OR7G3: variants seen among roughly 807,000 people sequenced by gnomAD.
The protein encoded by OR7G3 is olfactory receptor family 7 subfamily G member 3.
For synonymous variants in OR7G3, 143 were observed against 157.6 expected (o/e 0.91, Z 0.69); for missense variants, 352 against 372.1 (o/e 0.95, Z 0.44).
In OR7G3 at chr19:9,126,173, G is replaced by C; in HGVS notation, c.778C>G (p.Leu260Val). 6.2e-7 allele frequency: 1 copy of C among 1,614,114 alleles called. No individual in the cohort carries two copies. Among genetic ancestry groups the C allele is most frequent in the Non-Finnish European group, 8.5e-7 (1 of 1,180,028 alleles). Residue 260 changes from leucine (L) to valine (V), a missense_variant, in exon 1 of 1, where the codon CTT becomes GTT. Transcript: ENST00000305444. Reference protein sequence around the residue: ...LFYGTGFGVYLSSGATHSSRK... With the variant: ...LFYGTGFGVYVSSGATHSSRK... ...GAGGAGTGGGTAGCCCCAGAACTAA[G>C]GTACACCCCAAACCCTGTTCCATAA...
Position 9,126,781 on chromosome 19 carries a change from G to T in OR7G3, c.170C>A (p.Thr57Asn), listed in dbSNP as rs118114660. ...LAVNSDSHLH[T>N]PMYFLLSILS... ...GATAGAGAGGAGGAAGTACATGGGG[G>T]TGTGGAGGTGGGAGTCAGAGTTGAC... The change falls in exon 1 of 1, where the codon ACC becomes AAC. Residue 57 changes from threonine to asparagine, a missense_variant. Thr to Asn is a moderately conservative substitution (Grantham distance 65). Transcript: ENST00000305444. The T allele has an allele frequency of 2.5e-3, 4,052 of 1,613,892 alleles. 69 individuals carry two copies. In the East Asian group the frequency reaches 0.042, roughly 17 times the overall value.
rs528677212 is a variant in OR7G3, at chr19:9,126,028, A to T, written c.923T>A (p.Ile308Lys). Reference protein sequence around the residue: ...LKALRKLISRIPSFH With the variant: ...LKALRKLISRKPSFH ...GCTGAGACATCAATGGAAAGATGGT[A>T]TCCTAGATATTAGTTTCCTCAAAGC... The change falls in exon 1 of 1, where the codon ATA becomes AAA. Residue 308 changes from isoleucine (I) to lysine (K), a missense_variant. Physicochemically the swap from Ile to Lys is moderately radical, Grantham distance 102 (BLOSUM62 -3). Coordinates refer to ENST00000305444, the MANE Select transcript of OR7G3 (RefSeq NM_001001958.1). The T allele has an allele frequency of 1.1e-5, 17 of 1,602,546 alleles. No homozygotes were observed. The Admixed American group carries it at 2.2e-4, about 21-fold the overall frequency.
rs1390472697 is a variant in OR7G3, at chr19:9,126,272, T to G, written c.679A>C (p.Lys227Gln). ...TACTTTCCACCAGCTGATGGAATTT[T>G]CATGACAGAGGAGACAATTCGTGTG... is the stretch of plus-strand genomic sequence containing the variant. Reference protein sequence around the residue: ...SYTRIVSSVMKIPSAGGKYKA... With the variant: ...SYTRIVSSVMQIPSAGGKYKA... Residue 227 changes from lysine to glutamine, a missense_variant, in exon 1 of 1, where the codon AAA (lysine) becomes CAA (glutamine). By Grantham distance (53) the Lys-to-Gln change is moderately conservative. Coordinates refer to ENST00000305444, the MANE Select transcript of OR7G3 (RefSeq NM_001001958.1). The G allele has an allele frequency of 1.2e-6, 2 of 1,614,048 alleles. No homozygotes were observed. The highest frequency in any genetic ancestry group is 3.3e-5 in the Admixed American group (2 of 60,006).
At position 9,126,502 on chromosome 19, in the gene OR7G3, A is replaced by G; in HGVS notation, c.449T>C (p.Ile150Thr). 1 of 1,614,172 alleles carries G rather than the reference A, an allele frequency of 6.2e-7. No homozygotes were observed. Among genetic ancestry groups the G allele is most frequent in the Non-Finnish European group, 8.5e-7 (1 of 1,180,028 alleles). Reference sequence around the variant, plus strand: ...CAGCAGAGCATCCAGGACACTAACGATGAAGGACAGCAGAAGCAGCAGCCC... The same window carrying G: ...CAGCAGAGCATCCAGGACACTAACGGTGAAGGACAGCAGAAGCAGCAGCCC... ...LCGLLLLLSF[I>T]VSVLDALLHT... The change falls in exon 1 of 1, where the codon ATC becomes ACC. Residue 150 changes from isoleucine (I) to threonine (T), a missense_variant. Coordinates refer to ENST00000305444, the MANE Select transcript of OR7G3 (RefSeq NM_001001958.1).
chr19:9,126,406 G>A lies in OR7G3; in HGVS notation c.545C>T (p.Ala182Val). 1.2e-6 allele frequency: 2 copies of A among 1,614,100 alleles called. No individual in the cohort carries two copies. The highest frequency in any genetic ancestry group is 1.7e-6 in the Non-Finnish European group (2 of 1,179,990). ...LEIPHFFCEL[A>V]HILKLACSDV... ...AGAACAGGCGAGCTTGAGAATATGA[G>A]CTAGTTCACAGAAAAAGTGGGGAAT... The change falls in exon 1 of 1, where the codon GCT becomes GTT. Residue 182 changes from alanine to valine, a missense_variant. Physicochemically the swap from Ala to Val is moderately conservative, Grantham distance 64. Coordinates refer to ENST00000305444, the MANE Select transcript of OR7G3 (RefSeq NM_001001958.1).
In OR7G3 at chr19:9,126,827, T is replaced by G. The variant is rs2050513662; in HGVS notation, c.124A>C (p.Asn42His). 1.2e-6 allele frequency: 2 copies of G among 1,613,924 alleles called. No individual in the cohort carries two copies. The highest frequency in any genetic ancestry group is 1.7e-6 in the Non-Finnish European group (2 of 1,179,968). ...TTGACGGCCAGGATGATGAGCAGGTTCCCCAGCATTGTGGCCAGGTACATG... is the reference window on the plus strand; with the variant it reads ...TTGACGGCCAGGATGATGAGCAGGTGCCCCAGCATTGTGGCCAGGTACATG... ...LSMYLATMLG[N>H]LLIILAVNSD... is the part of the protein sequence containing the mutation. The change falls in exon 1 of 1, where the codon AAC becomes CAC. Residue 42 changes from asparagine (N) to histidine (H), a missense_variant. Coordinates refer to ENST00000305444, the MANE Select transcript of OR7G3 (RefSeq NM_001001958.1).
rs1047618375 is a variant in OR7G3 at position 9,126,117 on chromosome 19, A to G, written c.834T>C (p.Tyr278=). The change falls in exon 1 of 1, where the codon TAT becomes TAC. Residue 278 remains tyrosine (Y), a synonymous_variant. Coordinates refer to ENST00000305444, the MANE Select transcript of OR7G3 (RefSeq NM_001001958.1). The part of the protein sequence containing the change: ...SRKGAIASVM[Y]TVVTPMLNPL... ...GGTTCAGCATGGGGGTGACCACGGT[A>G]TACATCACTGATGCTATTGCACCCT... 1.9e-6 allele frequency: 3 copies of G among 1,614,168 alleles called. No individual in the cohort carries two copies. Among genetic ancestry groups the G allele is most frequent in the Non-Finnish European group, 2.5e-6 (3 of 1,180,010 alleles).
In OR7G3 at chr19:9,126,434, C is replaced by G. The variant is rs755841942; in HGVS notation, c.517G>C (p.Glu173Gln). 38 of 1,613,926 alleles carry G rather than the reference C, an allele frequency of 2.4e-5. No individual in the cohort carries two copies. Among genetic ancestry groups the G allele is most frequent in the Admixed American group, 3.3e-5 (2 of 59,978 alleles). ...VLQLTFCIDL[E>Q]IPHFFCELAH... ...AGTTCACAGAAAAAGTGGGGAATTT[C>G]CAGGTCTATGCAGAAGGTCAGCTGT... Residue 173 changes from glutamate (E) to glutamine (Q), a missense_variant, in exon 1 of 1, where the codon GAA (glutamate) becomes CAA (glutamine). Transcript: ENST00000305444.
Position 9,126,617 on chromosome 19 carries a change from T to G in OR7G3, c.334A>C (p.Asn112His). 1 of 1,614,078 alleles carries G rather than the reference T, an allele frequency of 6.2e-7. No individual in the cohort carries two copies. Among genetic ancestry groups the G allele is most frequent in the Non-Finnish European group, 8.5e-7 (1 of 1,180,016 alleles). Residue 112 changes from asparagine (N) to histidine (H), a missense_variant, in exon 1 of 1, where the codon AAT becomes CAT. Transcript: ENST00000305444. ...TAGGCCATCATGACCAGAATTCCAT[T>G]TTCCAATCCAACAAAAACCAGGACA... is the stretch of plus-strand genomic sequence containing the variant. ...CFVLVFVGLE[N>H]GILVMMAYDR...
Position 9,126,641 on chromosome 19 carries a change from C to T in OR7G3, c.310G>A (p.Val104Ile). ...YTGCLTQICF[V>I]LVFVGLENGI... ...TTTTCCAATCCAACAAAAACCAGGA[C>T]AAAGCAGATTTGGGTGAGGCAGCCT... The change falls in exon 1 of 1, where the codon GTC (valine) becomes ATC (isoleucine). Residue 104 changes from valine (V) to isoleucine (I), a missense_variant. Val to Ile is a conservative substitution (Grantham distance 29). Transcript: ENST00000305444. 6.2e-7 allele frequency: 1 copy of T among 1,614,134 alleles called. No individual in the cohort carries two copies. Among genetic ancestry groups the T allele is most frequent in the Non-Finnish European group, 8.5e-7 (1 of 1,180,028 alleles).
rs367745821 is a variant in OR7G3 at position 9,126,069 on chromosome 19, G to A, written c.882C>T (p.Asn294=). ...MLNPLIYSLR[N]KDMLKALRKL... is the part of the protein sequence containing the mutation. ...TCCTCAAAGCCTTCAACATGTCCTT[G>A]TTTCTCAGGCTGTAAATGAGTGGGT... is the stretch of plus-strand genomic sequence containing the variant. Residue 294 remains asparagine (N), a synonymous_variant, in exon 1 of 1, where the codon AAC becomes AAT. Transcript: ENST00000305444. 2.4e-5 allele frequency: 38 copies of A among 1,613,266 alleles called. No homozygotes were observed. The African/African-American group carries it at 5.1e-4, about 22-fold the overall frequency.
rs1257191317 is a variant in OR7G3 at position 9,126,815 on chromosome 19, T to C, written c.136A>G (p.Ile46Val). Residue 46 changes from isoleucine (I) to valine (V), a missense_variant, in exon 1 of 1, where the codon ATC (isoleucine) becomes GTC (valine). Coordinates refer to ENST00000305444, the MANE Select transcript of OR7G3 (RefSeq NM_001001958.1). The part of the protein sequence containing the change: ...LATMLGNLLI[I>V]LAVNSDSHLH... The stretch of plus-strand genomic sequence containing the variant: ...TGGGAGTCAGAGTTGACGGCCAGGA[T>C]GATGAGCAGGTTCCCCAGCATTGTG... 6.2e-7 allele frequency: 1 copy of C among 1,613,826 alleles called. No individual in the cohort carries two copies.
rs1266622626 is a variant in OR7G3, at chr19:9,126,641, C to G, written c.310G>C (p.Val104Leu). The G allele has an allele frequency of 3.1e-6, 5 of 1,614,016 alleles. No individual in the cohort carries two copies. In the African/African-American group the frequency reaches 5.3e-5, roughly 17 times the overall value. The change falls in exon 1 of 1, where the codon GTC becomes CTC. Residue 104 changes from valine (V) to leucine (L), a missense_variant. Val to Leu is a conservative substitution (Grantham distance 32). Transcript: ENST00000305444. ...YTGCLTQICF[V>L]LVFVGLENGI... ...TTTTCCAATCCAACAAAAACCAGGA[C>G]AAAGCAGATTTGGGTGAGGCAGCCT... is the stretch of plus-strand genomic sequence containing the variant.
rs1253520135 is a variant in OR7G3, at chr19:9,126,883, A to G, written c.68T>C (p.Leu23Pro). ...GAACAGCATGAAGAGGATGGGCTGC[A>G]GCTCCGGATCCCCTGACAATCCCAA... The part of the protein sequence containing the change: ...FLLGLSGDPE[L>P]QPILFMLFLS... The change falls in exon 1 of 1, where the codon CTG (leucine) becomes CCG (proline). Residue 23 changes from leucine (L) to proline (P), a missense_variant. Transcript: ENST00000305444. The G allele has an allele frequency of 6.2e-7, 1 of 1,612,522 alleles. No individual in the cohort carries two copies. Among genetic ancestry groups the G allele is most frequent in the South Asian group, 1.1e-5 (1 of 90,900 alleles).
chr19:9,126,559 C>T lies in OR7G3; in HGVS notation c.392G>A (p.Arg131Lys). 1 of 1,614,120 alleles carries T rather than the reference C, an allele frequency of 6.2e-7. No homozygotes were observed. Among genetic ancestry groups the T allele is most frequent in the Non-Finnish European group, 8.5e-7 (1 of 1,180,014 alleles). The change falls in exon 1 of 1, where the codon AGG becomes AAG. Residue 131 changes from arginine to lysine, a missense_variant. Transcript: ENST00000305444. ...DRFVAICHPL[R>K]YNVIMNPKLC... ...TTTGGGGTTCATGATGACATTGTACCTCAGTGGGTGACAGATGGCCACAAA... is the reference window on the plus strand; with the variant it reads ...TTTGGGGTTCATGATGACATTGTACTTCAGTGGGTGACAGATGGCCACAAA...
chr19:9,126,900 C>G lies in OR7G3; in HGVS notation c.51G>C (p.Leu17Phe). Residue 17 changes from leucine (L) to phenylalanine (F), a missense_variant, in exon 1 of 1, where the codon TTG becomes TTC. Coordinates refer to ENST00000305444, the MANE Select transcript of OR7G3 (RefSeq NM_001001958.1). Reference sequence around the variant, plus strand: ...TGGGCTGCAGCTCCGGATCCCCTGACAATCCCAAGAGAAAGAATTCTGGAG... The same window carrying G: ...TGGGCTGCAGCTCCGGATCCCCTGAGAATCCCAAGAGAAAGAATTCTGGAG... ...SDTPEFFLLGLSGDPELQPIL... is the reference protein window; with the variant it reads ...SDTPEFFLLGFSGDPELQPIL... 6.2e-7 allele frequency: 1 copy of G among 1,608,410 alleles called. No homozygotes were observed. The highest frequency in any genetic ancestry group is 1.3e-5 in the African/African-American group (1 of 74,904).
Position 9,126,195 on chromosome 19 carries a change from A to G in OR7G3, c.756T>C (p.Tyr252=). The part of the protein sequence containing the change: ...GSHLIVVSLF[Y]GTGFGVYLSS... The stretch of plus-strand genomic sequence containing the variant: ...TAAGGTACACCCCAAACCCTGTTCC[A>G]TAAAACAAGGAAACAACGATTAAAT... The change falls in exon 1 of 1, where the codon TAT becomes TAC. Residue 252 remains tyrosine (Y), a synonymous_variant. Transcript: ENST00000305444. The G allele has an allele frequency of 6.2e-7, 1 of 1,614,224 alleles. No homozygotes were observed. The highest frequency in any genetic ancestry group is 8.5e-7 in the Non-Finnish European group (1 of 1,180,044).
Position 9,126,642 on chromosome 19 carries a change from A to G in OR7G3, c.309T>C (p.Phe103=). 1 of 1,614,164 alleles carries G rather than the reference A, an allele frequency of 6.2e-7. No individual in the cohort carries two copies. Among genetic ancestry groups the G allele is most frequent in the Non-Finnish European group, 8.5e-7 (1 of 1,180,026 alleles). Residue 103 remains phenylalanine (F), a synonymous_variant, in exon 1 of 1, where the codon TTT becomes TTC. Coordinates refer to ENST00000305444, the MANE Select transcript of OR7G3 (RefSeq NM_001001958.1). ...TTTCCAATCCAACAAAAACCAGGACAAAGCAGATTTGGGTGAGGCAGCCTG... is the reference window on the plus strand; with the variant it reads ...TTTCCAATCCAACAAAAACCAGGACGAAGCAGATTTGGGTGAGGCAGCCTG... ...NYTGCLTQIC[F]VLVFVGLENG... is the part of the protein sequence containing the mutation.
chr19:9,126,659 G>A lies in OR7G3; in HGVS notation c.292C>T (p.Leu98Phe), dbSNP rs753583634. ...QAQSINYTGC[L>F]TQICFVLVFV... ...ACCAGGACAAAGCAGATTTGGGTGAGGCAGCCTGTGTAATTGATGGATTGA... is the reference window on the plus strand; with the variant it reads ...ACCAGGACAAAGCAGATTTGGGTGAAGCAGCCTGTGTAATTGATGGATTGA... Residue 98 changes from leucine (L) to phenylalanine (F), a missense_variant, in exon 1 of 1, where the codon CTC (leucine) becomes TTC (phenylalanine). Leu to Phe is a conservative substitution (Grantham distance 22). Transcript: ENST00000305444. 3 of 1,614,148 alleles carry A rather than the reference G, an allele frequency of 1.9e-6. No individual in the cohort carries two copies. Among genetic ancestry groups the A allele is most frequent in the Non-Finnish European group, 2.5e-6 (3 of 1,180,032 alleles).
Sources: gnomAD v4.1 joint callset for allele counts on GRCh38, gnomAD v4.1.1 for gene constraint, MANE v1.5 for transcripts, NCBI Gene and HGNC (gene_info 2026-07-23, HGNC 2026-07-21) for gene names.